The following TEK variants were observed in gnomAD, a reference collection of about 807,000 sequenced individuals.
TEK encodes the protein TEK receptor tyrosine kinase.
Under a neutral mutation model 131.8 loss-of-function variants are expected in TEK, and 43 were observed. The observed-to-expected ratio is 0.33, with a 90% CI of 0.26 to 0.42. The LOEUF is 0.42. TEK is among the 10% of genes least tolerant of loss of function. The probability of loss-of-function intolerance (pLI) is 1.00; values close to 1 mark genes in which losing one functional copy is unlikely to be tolerated. For missense variants in TEK, 1,162 were observed against 1,384.4 expected, an observed-to-expected ratio of 0.84 and a Z score of 2.55; for synonymous variants, 580 against 491.6, an observed-to-expected ratio of 1.18 and a Z score of -2.38.
intron 2 of TEK, among the ~76,000 whole-genome samples, chr9:27,159,560 C>T (rs1043141874): frequency 5.9e-5 from 9 of 152,176 alleles, no homozygotes; most frequent in South Asian, 2.1e-4. Flanking sequence ...AGAATTTTGC[C>T]GGAGGATTTT....
At position 27,185,226 on chromosome 9, in the gene TEK, C is replaced by G. The variant is rs192783240; in HGVS notation, c.1183-259C>G. On this transcript the variant is annotated intron_variant, in intron 8 of 22. Transcript: ENST00000380036. ...TTAAAAGAAATCATGCTTCAGGTGT[C>G]TTGCTTGTAAGTGTTTACCCCGTAC... 1.3e-3 allele frequency among the ~76,000 whole-genome samples: 198 copies of G among 152,272 alleles called. 1 individual carries two copies. In the South Asian group the frequency reaches 0.014, roughly 11 times the overall value.
intron 1 of TEK, among the ~76,000 whole-genome samples, chr9:27,132,299 G>A (rs1822258217): frequency 6.6e-6 from 1 of 151,922 alleles, no homozygotes; most frequent in South Asian, 2.1e-4. Flanking sequence ...TGTTGGTCAG[G>A]CTGGTCTTGA....
rs1821238508 is a variant in TEK at position 27,109,293 on chromosome 9, T to C, written c.-298T>C. The C allele has an allele frequency of 5.6e-6, 3 of 540,490 alleles. No homozygotes were observed. Among genetic ancestry groups the C allele is most frequent in the African/African-American group, 3.8e-5 (2 of 52,002 alleles). 33.5% of individuals were successfully genotyped at this position (540,490 alleles called of 1,614,324 possible). A position where few individuals can be genotyped will look rare whatever the true frequency, so the allele number is the denominator to read the frequency against. On this transcript the variant is annotated 5_prime_UTR_variant, in exon 1 of 23. Transcript: ENST00000380036. ...GCAACAGATAAGTGTTTTGATGAAT[T>C]GCGAGATGGATAGGGCTTGAGTGCC...
chr9:27,197,671 C>T (rs1825079034), intron 12 of TEK, 72 bp downstream of exon 12: 1 of 1,578,728 alleles, frequency 6.3e-7, no homozygotes, highest in Admixed American at 1.7e-5. Flanking sequence ...TAGCTAACAT[C>T]ACTGCAGGAC....
At chr9:27,140,773 A>C (rs936748653) in intron 1 of TEK, among the ~76,000 whole-genome samples, 8 of 152,088 alleles carry the variant, frequency 5.3e-5, no homozygotes, top group Admixed American at 4.6e-4. Flanking sequence ...TGCTTTTAAC[A>C]GTTTATCCTT....
chr9:27,134,972 C>A (rs1486581749), intron 1 of TEK, among the ~76,000 whole-genome samples: 1 of 152,150 alleles, frequency 6.6e-6, no homozygotes, highest in Non-Finnish European at 1.5e-5. Flanking sequence ...TTGTTATAAT[C>A]CCAGCACTTT....
chr9:27,148,163 T>G (rs764267389), intron 1 of TEK, among the ~76,000 whole-genome samples: 1 of 152,252 alleles, frequency 6.6e-6, no homozygotes, highest in Non-Finnish European at 1.5e-5. Context: ...GCACGTCCTG[T>G]AAACATGTTT....
intron 2 of TEK, among the ~76,000 whole-genome samples, chr9:27,160,509 A>T (rs372860128): frequency 2.2e-4 from 34 of 152,214 alleles, no homozygotes; most frequent in South Asian, 2.1e-3. Context: ...GTTGTTTGGG[A>T]CAGTCCTGGG....
intron 1 of TEK, among the ~76,000 whole-genome samples, chr9:27,123,542 C>G (rs901020320): frequency 2.6e-5 from 4 of 152,180 alleles, no homozygotes; most frequent in African/African-American, 9.7e-5. Flanking sequence ...CTGGAACTGT[C>G]AGAGACATAA....
At chr9:27,170,296 C>T (rs752324902) in intron 4 of TEK, among the ~76,000 whole-genome samples, 4 of 152,042 alleles carry the variant, frequency 2.6e-5, no homozygotes, top group Non-Finnish European at 4.4e-5. Context: ...GGGACACAGC[C>T]AAACCATACC....
In TEK at chr9:27,204,951, C is replaced by T; in HGVS notation, c.2250C>T (p.Ala750=). 2 of 1,613,956 alleles carry T rather than the reference C, an allele frequency of 1.2e-6. No homozygotes were observed. Among genetic ancestry groups the T allele is most frequent in the East Asian group, 2.2e-5 (1 of 44,880 alleles). The change falls in exon 14 of 23, where the codon GCC becomes GCT. Residue 750 remains alanine (A), a synonymous_variant. Transcript: ENST00000380036. The part of the protein sequence containing the change: ...DLGGGKMLLI[A]ILGSAGMTCL... The stretch of plus-strand genomic sequence containing the variant: ...GAGGGGGGAAGATGCTGCTTATAGC[C>T]ATCCTTGGCTCTGCTGGAATGACCT...
intron 18 of TEK, among the ~76,000 whole-genome samples, chr9:27,214,379 A>T (rs1199545670): frequency 2.0e-5 from 3 of 152,138 alleles, no homozygotes; most frequent in Non-Finnish European, 2.9e-5. Flanking sequence ...ACTCTGGTGG[A>T]TGGCTCTCCC....
intron 7 of TEK, among the ~76,000 whole-genome samples, chr9:27,182,621 A>G (rs749584697): frequency 2.0e-5 from 3 of 152,188 alleles, no homozygotes; most frequent in South Asian, 2.1e-4. Flanking sequence ...GGGCACCTCT[A>G]TCGCCTACAT....
intron 1 of TEK, among the ~76,000 whole-genome samples, chr9:27,137,078 G>A (rs987197023): frequency 1.3e-5 from 2 of 152,064 alleles, no homozygotes; most frequent in Admixed American, 6.6e-5. Flanking sequence ...GCCACGCCTG[G>A]CTAATTTTTT....
chr9:27,207,669 G>A (rs912347547), intron 15 of TEK, among the ~76,000 whole-genome samples: 2 of 152,312 alleles, frequency 1.3e-5, no homozygotes, highest in Non-Finnish European at 2.9e-5. Flanking sequence ...GGAATGTGGT[G>A]CATTAAAGCA....
At chr9:27,149,850 T>C (rs776545653) in intron 1 of TEK, among the ~76,000 whole-genome samples, 2 of 152,166 alleles carry the variant, frequency 1.3e-5, no homozygotes, top group Non-Finnish European at 2.9e-5. Context: ...CAGAAAAAGG[T>C]GGTCTGGTTC....
chr9:27,186,119 C>T (rs1283721569), intron 9 of TEK, among the ~76,000 whole-genome samples: 1 of 152,130 alleles, frequency 6.6e-6, no homozygotes, highest in East Asian at 1.9e-4. Context: ...ATAAGAAGCC[C>T]AGGCTATGCT....
chr9:27,206,572 A>G lies in TEK; in HGVS notation c.2365-10A>G, dbSNP rs761240292. 8.1e-6 allele frequency: 13 copies of G among 1,611,532 alleles called. No homozygotes were observed. In the Admixed American group the frequency reaches 2.2e-4, roughly 27 times the overall value. On this transcript the variant is annotated splice_polypyrimidine_tract_variant and intron_variant, in intron 14 of 22. Coordinates refer to ENST00000380036, the MANE Select transcript of TEK (RefSeq NM_000459.5). ...CCTGACACAAAATGATGAAATAATT[A>G]TTTTTCCAGAGGGAAGAACCAGCTG...
At chr9:27,158,762 C>T (rs531783755) in intron 2 of TEK, among the ~76,000 whole-genome samples, 5 of 151,368 alleles carry the variant, frequency 3.3e-5, no homozygotes, top group East Asian at 1.9e-4. Context: ...CGGGTTCAAG[C>T]GATTCTTCTG....
Sources: allele counts gnomAD v4.1 joint callset (sites outside exome capture counted in the v4.1 genomes callset), GRCh38; gene constraint gnomAD v4.1.1; transcripts MANE v1.5; gene names NCBI Gene and HGNC (gene_info 2026-07-23, HGNC 2026-07-21).